The following JARID2 variants were observed in gnomAD, a reference collection of about 807,000 sequenced individuals.
JARID2 encodes the protein jumonji and AT-rich interaction domain containing 2, also known as protein Jumonji.
Under a neutral mutation model 125.6 loss-of-function variants are expected in JARID2, and 21 were observed. The ratio of observed to expected loss-of-function variants is 0.17; its 90% CI spans 0.12 to 0.24. JARID2 has a LOEUF of 0.24. JARID2 is among the 10% of genes least tolerant of loss of function. The probability of loss-of-function intolerance (pLI) is 1.00; values close to 1 mark genes in which losing one functional copy is unlikely to be tolerated. For missense variants in JARID2, 1,303 were observed against 1,639.6 expected (o/e 0.79, Z 3.55); for synonymous variants, 736 against 661.6 (o/e 1.11, Z -1.73).
intron 3 of JARID2, among the ~76,000 whole-genome samples, chr6:15,428,518 A>G (rs924668048): frequency 2.6e-5 from 4 of 151,902 alleles, no homozygotes; most frequent in Admixed American, 1.3e-4. Context: ...AGAACATGCC[A>G]TATTTGGTTT....
At chr6:15,339,774 A>T (rs563587299) in intron 1 of JARID2, among the ~76,000 whole-genome samples, 23 of 152,220 alleles carry the variant, frequency 1.5e-4, no homozygotes, top group Admixed American at 4.6e-4. Context: ...ACCTCAGGTG[A>T]TGTGCCCTCG....
chr6:15,458,040 A>G (rs1299461990), intron 4 of JARID2, among the ~76,000 whole-genome samples: 1 of 152,176 alleles, frequency 6.6e-6, no homozygotes, highest in East Asian at 1.9e-4. Flanking sequence ...GAAGGGGTCC[A>G]CATGTCTCTT....
intron 1 of JARID2, 88 bp downstream of exon 1, chr6:15,246,672 G>C: frequency 8.2e-7 from 1 of 1,213,838 alleles, no homozygotes; most frequent in East Asian, 2.3e-5. Flanking sequence ...TGCCTCTGAA[G>C]GGTTTTAAAC....
intron 1 of JARID2, among the ~76,000 whole-genome samples, chr6:15,304,305 C>CCCG (rs1190072866): frequency 3.5e-5 from 1 of 28,760 alleles, no homozygotes; most frequent in Non-Finnish European, 9.0e-5. Flanking sequence ...TTTGCTGATC[C>CCCG]CCCCCCCCCC....
At chr6:15,489,906 C>CT (rs1205476655) in intron 6 of JARID2, among the ~76,000 whole-genome samples, 2 of 152,232 alleles carry the variant, frequency 1.3e-5, no homozygotes, top group African/African-American at 4.8e-5. Flanking sequence ...CTGTTCCAGT[C>CT]TAACCAGCCC....
At chr6:15,312,299 C>T (rs1038914059) in intron 1 of JARID2, among the ~76,000 whole-genome samples, 16 of 152,262 alleles carry the variant, frequency 1.1e-4, no homozygotes, top group Admixed American at 3.9e-4. Flanking sequence ...GTGATCCACC[C>T]GCCTCGGCCT....
intron 1 of JARID2, among the ~76,000 whole-genome samples, chr6:15,302,943 C>T (rs1761685849): frequency 1.3e-5 from 2 of 151,998 alleles, no homozygotes; most frequent in Non-Finnish European, 2.9e-5. Context: ...AGGTTGGTTT[C>T]GAACTCCTGA....
intron 5 of JARID2, among the ~76,000 whole-genome samples, chr6:15,485,523 T>C (rs1294161668): frequency 4.0e-5 from 6 of 151,450 alleles, no homozygotes; most frequent in Non-Finnish European, 8.8e-5. Context: ...TCAAGTTGCT[T>C]ATCTTACATA....
chr6:15,513,323 C>T lies in JARID2; in HGVS notation c.3351C>T (p.Ser1117=), dbSNP rs147481875. The change falls in exon 16 of 18, where the codon AGC becomes AGT. Residue 1117 remains serine (S), a synonymous_variant. Transcript: ENST00000341776. ...SARYGSHDGS[S]TVADGKKKPR... ...GCTATGGCAGCCACGATGGCAGCAG[C>T]ACGGTGGCGGACGGGAAGAAAAAGC... 40 of 1,611,550 alleles carry T rather than the reference C, an allele frequency of 2.5e-5. No homozygotes were observed. In the African/African-American group the frequency reaches 5.2e-4, roughly 21 times the overall value.
intron 3 of JARID2, among the ~76,000 whole-genome samples, chr6:15,444,502 C>T (rs960973026): frequency 5.3e-5 from 8 of 151,980 alleles, no homozygotes; most frequent in African/African-American, 1.2e-4. Flanking sequence ...ACCTCCAGTG[C>T]GCACACACAC....
chr6:15,398,688 T>C (rs1413315679), intron 2 of JARID2, among the ~76,000 whole-genome samples: 5 of 152,224 alleles, frequency 3.3e-5, no homozygotes, highest in African/African-American at 1.2e-4. Flanking sequence ...CTTTTCTTAT[T>C]TCTTAAAATT....
intron 2 of JARID2, among the ~76,000 whole-genome samples, chr6:15,393,868 G>A (rs1464392874): frequency 6.6e-6 from 1 of 152,050 alleles, no homozygotes; most frequent in Non-Finnish European, 1.5e-5. Context: ...TGAGAAAGAC[G>A]CAAAACTGCT....
intron 3 of JARID2, among the ~76,000 whole-genome samples, chr6:15,423,699 G>A (rs1488818931): frequency 1.3e-5 from 2 of 152,176 alleles, no homozygotes; most frequent in East Asian, 1.9e-4. Flanking sequence ...GAGCACGTAC[G>A]TTTTATCCTT....
intron 1 of JARID2, among the ~76,000 whole-genome samples, chr6:15,346,805 G>A (rs1283394922): frequency 1.3e-5 from 2 of 150,362 alleles, no homozygotes; most frequent in African/African-American, 2.5e-5. Flanking sequence ...GTGTGATCTC[G>A]GTTCACTGCA....
At chr6:15,463,262 A>G (rs1242553986) in intron 4 of JARID2, among the ~76,000 whole-genome samples, 1 of 152,136 alleles carries the variant, frequency 6.6e-6, no homozygotes, top group Non-Finnish European at 1.5e-5. Context: ...TTTGTTGGTT[A>G]CTTTTCTAAA....
rs534213396 is a variant in JARID2, at chr6:15,252,659, T to C, written c.45+6075T>C. On this transcript the variant is annotated intron_variant, in intron 1 of 17. Coordinates refer to ENST00000341776, the MANE Select transcript of JARID2 (RefSeq NM_004973.4). ...TATATATTGTTTTACTTATGAGATATTGTGGAAGGTCTGTTCCATTTTAAA... is the reference window on the plus strand; with the variant it reads ...TATATATTGTTTTACTTATGAGATACTGTGGAAGGTCTGTTCCATTTTAAA... 1.2e-4 allele frequency among the ~76,000 whole-genome samples: 19 copies of C among 152,242 alleles called. No homozygotes were observed. The East Asian group carries it at 1.9e-3, about 15-fold the overall frequency.
chr6:15,332,806 T>C (rs1762750949), intron 1 of JARID2, among the ~76,000 whole-genome samples: 1 of 152,222 alleles, frequency 6.6e-6, no homozygotes. Context: ...AATACATACA[T>C]TCGTTGTCTG....
chr6:15,289,077 G>A (rs906478491), intron 1 of JARID2, among the ~76,000 whole-genome samples: 1 of 152,106 alleles, frequency 6.6e-6, no homozygotes, highest in African/African-American at 2.4e-5. Flanking sequence ...TCTTGATTGG[G>A]GTTGGTGAAA....
intron 6 of JARID2, among the ~76,000 whole-genome samples, chr6:15,494,240 C>T (rs572537814): frequency 3.3e-5 from 5 of 152,132 alleles, no homozygotes; most frequent in South Asian, 2.1e-4. Flanking sequence ...TGGTTCCAAG[C>T]GCGGTCCCCA....
Sources: gnomAD v4.1 joint callset for allele counts (sites outside exome capture counted in the v4.1 genomes callset) on GRCh38, gnomAD v4.1.1 for gene constraint, MANE v1.5 for transcripts, NCBI Gene and HGNC (gene_info 2026-07-23, HGNC 2026-07-21) for gene names.